PRDM1: variants seen among roughly 807,000 people sequenced by gnomAD.
PRDM1 encodes PR/SET domain 1, also known as PR domain zinc finger protein 1.
Under a neutral mutation model 62.8 loss-of-function variants are expected in PRDM1, and 13 were observed. That is an observed-to-expected ratio of 0.21 (90% CI 0.13 to 0.33). PRDM1 has a LOEUF of 0.33. Among genes scored for constraint, PRDM1 ranks in the 10% least tolerant of loss-of-function variants. The pLI, the probability that PRDM1 is intolerant of heterozygous loss-of-function variation, is 1.00. For missense variants in PRDM1, 895 were observed against 1,058.8 expected (o/e 0.85, Z 2.15); for synonymous variants, 396 against 417.6 (o/e 0.95, Z 0.63).
chr6:106,018,017 G>A (rs1435790077), intron 1 of PRDM1, among the ~76,000 whole-genome samples: 1 of 152,148 alleles, frequency 6.6e-6, no homozygotes, highest in African/African-American at 2.4e-5. Flanking sequence ...TATTGCTGAG[G>A]AAATTAACAG....
At chr6:106,003,452 T>C (rs1024265575) in intron 1 of PRDM1, among the ~76,000 whole-genome samples, 2 of 152,206 alleles carry the variant, frequency 1.3e-5, no homozygotes, top group African/African-American at 2.4e-5. Flanking sequence ...TGCTGTAGTC[T>C]GTTAGTTTCA....
intron 1 of PRDM1, among the ~76,000 whole-genome samples, chr6:106,076,520 G>GA (rs1221348747): frequency 6.6e-6 from 1 of 151,978 alleles, no homozygotes; most frequent in Admixed American, 6.6e-5. Context: ...TTTATTAGTA[G>GA]AAAAAAATGA....
chr6:106,056,538 C>T (rs780331082), intron 1 of PRDM1, among the ~76,000 whole-genome samples: 18 of 152,148 alleles, frequency 1.2e-4, no homozygotes, highest in Non-Finnish European at 2.2e-4. Flanking sequence ...CACACACAAC[C>T]GACTCAGAAA....
At position 106,088,204 on chromosome 6, in the gene PRDM1, GC is replaced by G. The variant is rs1487333791; in HGVS notation, c.51del (p.Lys18SerfsTer7). The G allele has an allele frequency of 6.2e-7, 1 of 1,606,388 alleles. No individual in the cohort carries two copies. ...AGGCCTTTCCTTTCTCTTCCAGGCT[GC>G]CCCCAAGTGTAACTCCAGCACTGTG... ...LEKRVGTTLA[A>X]PKCNSSTVRF... On this transcript the variant is annotated frameshift_variant, in exon 2 of 7. Transcript: ENST00000369096. LOFTEE classifies it high-confidence loss of function.
At chr6:106,084,697 C>T (rs1773757749), upstream of PRDM1, among the ~76,000 whole-genome samples, 1 of 152,106 alleles carries the variant, frequency 6.6e-6, no homozygotes, top group Admixed American at 6.6e-5. Context: ...GTTAATAAAC[C>T]CTCTTGAGCA....
chr6:106,020,642 T>C (rs979665939), intron 1 of PRDM1, among the ~76,000 whole-genome samples: 7 of 152,326 alleles, frequency 4.6e-5, no homozygotes, highest in African/African-American at 9.6e-5. Flanking sequence ...TTCTTTGTAT[T>C]CTATTATGCA....
chr6:106,003,537 C>T (rs1197671772), intron 1 of PRDM1, among the ~76,000 whole-genome samples: 1 of 152,146 alleles, frequency 6.6e-6, no homozygotes, highest in Non-Finnish European at 1.5e-5. Context: ...TTAGCTTCTG[C>T]ATTACTTTTA....
chr6:106,098,861 C>T (rs529353444), intron 3 of PRDM1: 1 of 1,520,552 alleles, frequency 6.6e-7, no homozygotes, highest in East Asian at 2.5e-5. Context: ...AGCTAAGACT[C>T]AGTTTGACGT....
rs557305701 is a variant in PRDM1, at chr6:106,013,335, T to C, written c.-67+19696T>C. Among the ~76,000 whole-genome samples the C allele has an allele frequency of 1.2e-3, 185 of 151,370 alleles. 1 individual carries two copies. The highest frequency in any genetic ancestry group is 4.4e-3 in the African/African-American group (183 of 41,222). On this transcript the variant is annotated intron_variant, in intron 1 of 6. Coordinates refer to the PRDM1 transcript ENST00000652320. ...AAACTGCTTTTTGAACTTTTCTTTTTTTTTTTTTTTGAGACAGAGTCTCTC... is the reference window on the plus strand; with the variant it reads ...AAACTGCTTTTTGAACTTTTCTTTTCTTTTTTTTTTGAGACAGAGTCTCTC...
chr6:106,007,455 C>A (rs1772497214), intron 1 of PRDM1, among the ~76,000 whole-genome samples: 1 of 148,468 alleles, frequency 6.7e-6, no homozygotes, highest in Admixed American at 6.7e-5. Context: ...TTATTTGAGA[C>A]AAAGGCAACT....
intron 1 of PRDM1, among the ~76,000 whole-genome samples, chr6:106,019,629 T>A (rs903645245): frequency 6.0e-5 from 9 of 150,628 alleles, no homozygotes; most frequent in African/African-American, 9.7e-5. Flanking sequence ...GCTTAATTTT[T>A]TTCTTTTCTT....
intron 1 of PRDM1, among the ~76,000 whole-genome samples, chr6:106,007,285 C>T (rs1772495219): frequency 1.3e-5 from 2 of 151,732 alleles, no homozygotes; most frequent in Admixed American, 1.3e-4. Flanking sequence ...CAAAAATTAG[C>T]CGGGTATGAT....
chr6:106,088,289 C>A lies in PRDM1; in HGVS notation c.131C>A (p.Ala44Glu). 2 of 1,614,046 alleles carry A rather than the reference C, an allele frequency of 1.2e-6. No homozygotes were observed. Among genetic ancestry groups the A allele is most frequent in the Non-Finnish European group, 8.5e-7 (1 of 1,180,018 alleles). The stretch of plus-strand genomic sequence containing the variant: ...ACCATGAAAATGGACATGGAGGATG[C>A]GGATATGACTCTGTGGACAGAGGCT... ...KGTMKMDMEDADMTLWTEAEF... is the reference protein window; with the variant it reads ...KGTMKMDMEDEDMTLWTEAEF... Residue 44 changes from alanine (A) to glutamate (E), a missense_variant, in exon 2 of 7, where the codon GCG (alanine) becomes GAG (glutamate). By Grantham distance (107) the Ala-to-Glu change is moderately radical. Around this residue, in one of 4 missense-constraint regions of PRDM1, gnomAD observed 213 missense variants for 283.9 expected, o/e 0.75. Coordinates refer to ENST00000369096, the MANE Select transcript of PRDM1 (RefSeq NM_001198.4).
chr6:106,018,739 C>T (rs940841966), intron 1 of PRDM1, among the ~76,000 whole-genome samples: 1 of 152,052 alleles, frequency 6.6e-6, no homozygotes, highest in African/African-American at 2.4e-5. Context: ...CACATCATAT[C>T]AAAAGTATAT....
chr6:106,041,809 C>CTTTT (rs537352355), intron 1 of PRDM1, among the ~76,000 whole-genome samples: 8 of 129,878 alleles, frequency 6.2e-5, no homozygotes, highest in African/African-American at 1.4e-4. Context: ...GTATTTCTTT[C>CTTTT]TTTTTTTTTT....
At chr6:106,029,542 C>A (rs1772810246) in intron 1 of PRDM1, among the ~76,000 whole-genome samples, 1 of 152,112 alleles carries the variant, frequency 6.6e-6, no homozygotes, top group Admixed American at 6.5e-5. Flanking sequence ...ATCAAGAGTT[C>A]ATTCCTTTAT....
chr6:106,049,709 C>T (rs1773141238), intron 1 of PRDM1, among the ~76,000 whole-genome samples: 1 of 152,218 alleles, frequency 6.6e-6, no homozygotes, highest in Admixed American at 6.5e-5. Context: ...CACAAACACA[C>T]AGGTGCATTG....
intron 1 of PRDM1, among the ~76,000 whole-genome samples, chr6:106,023,338 C>G (rs1375829440): frequency 1.3e-5 from 2 of 151,966 alleles, no homozygotes; most frequent in Non-Finnish European, 2.9e-5. Flanking sequence ...TAGTGTTTAA[C>G]AGTGGTTTAA....
At position 106,106,557 on chromosome 6, in the gene PRDM1, C is replaced by T; in HGVS notation, c.1902+58C>T. ...CTTTGTAGAAAATGTCTGTGAGTCA[C>T]CCTCCCATGTCCTATATAGCCCGTA... On this transcript the variant is annotated intron_variant, in intron 6 of 6. Transcript: ENST00000369096. This position sits in a 1 kb window ranked among gnomAD's most constrained non-coding sequence, Gnocchi z 4.4. The T allele has an allele frequency of 1.1e-5, 18 of 1,604,286 alleles. No homozygotes were observed. Among genetic ancestry groups the T allele is most frequent in the Non-Finnish European group, 1.5e-5 (18 of 1,175,174 alleles).
Sources: gnomAD v4.1 joint callset for allele counts (sites outside exome capture counted in the v4.1 genomes callset) on GRCh38, gnomAD v4.1.1 for gene constraint, gnomAD v4.1.1 regional missense constraint, Gnocchi (gnomAD v3.1) non-coding constraint, MANE v1.5 for transcripts, NCBI Gene and HGNC (gene_info 2026-07-23, HGNC 2026-07-21) for gene names.